SLC4A4: variants seen among roughly 807,000 people sequenced by gnomAD.
SLC4A4 encodes electrogenic sodium bicarbonate cotransporter 1.
Under a neutral mutation model 111.5 loss-of-function variants are expected in SLC4A4, and 27 were observed. The observed-to-expected ratio is 0.24, with a 90% confidence interval of 0.18 to 0.33. The LOEUF is 0.33. SLC4A4 is among the 10% of genes least tolerant of loss of function. The pLI, the probability that SLC4A4 is intolerant of heterozygous loss-of-function variation, is 1.00. For synonymous variants in SLC4A4, 443 were observed against 463.4 expected (o/e 0.96, Z 0.57); for missense variants, 909 against 1,315.5 (o/e 0.69, Z 4.78).
At chr4:71,184,068 C>T (rs1745381218), upstream of SLC4A4, among the ~76,000 whole-genome samples, 1 of 152,076 alleles carries the variant, frequency 6.6e-6, no homozygotes, top group Non-Finnish European at 1.5e-5. Context: ...GCTTTACAGA[C>T]AACATATGGT....
chr4:71,103,047 A>G (rs1245888659), intron 2 of SLC4A4, among the ~76,000 whole-genome samples: 2 of 151,334 alleles, frequency 1.3e-5, no homozygotes, highest in African/African-American at 2.4e-5. Context: ...AGAGACACAC[A>G]TAGGCTCAAA....
intron 3 of SLC4A4, among the ~76,000 whole-genome samples, chr4:71,287,600 G>C (rs1357373104): frequency 1.3e-5 from 2 of 152,128 alleles, no homozygotes; most frequent in African/African-American, 4.8e-5. Flanking sequence ...TTTTAAATCA[G>C]AAATTTATTT....
intron 1 of SLC4A4, among the ~76,000 whole-genome samples, chr4:71,220,640 T>G (rs1718686359): frequency 6.6e-6 from 1 of 152,186 alleles, no homozygotes; most frequent in African/African-American, 2.4e-5. Flanking sequence ...ATGTGTCACA[T>G]TAGATAGTTA....
intron 2 of SLC4A4, among the ~76,000 whole-genome samples, chr4:71,125,220 A>G (rs1171379035): frequency 6.6e-6 from 1 of 152,270 alleles, no homozygotes; most frequent in Non-Finnish European, 1.5e-5. Context: ...CAAGTATAAG[A>G]GAACAACAAA....
At chr4:71,156,029 G>A (rs994529365) in intron 2 of SLC4A4, among the ~76,000 whole-genome samples, 7 of 152,072 alleles carry the variant, frequency 4.6e-5, no homozygotes, top group Non-Finnish European at 8.8e-5. Flanking sequence ...TTTCATACAC[G>A]AATTTAATAA....
chr4:71,232,342 A>AGAG (rs1200996206), intron 1 of SLC4A4, among the ~76,000 whole-genome samples: 1 of 152,178 alleles, frequency 6.6e-6, no homozygotes, highest in East Asian at 1.9e-4. Flanking sequence ...CAGCCTAGGA[A>AGAG]GAGGGTTTTT....
chr4:71,175,309 G>A (rs983282059), intron 2 of SLC4A4, among the ~76,000 whole-genome samples: 1 of 152,214 alleles, frequency 6.6e-6, no homozygotes, highest in African/African-American at 2.4e-5. Context: ...ACTGAGGTAC[G>A]GGGTTCATCT....
intron 6 of SLC4A4, among the ~76,000 whole-genome samples, chr4:71,390,556 CCTT>C (rs1350139179): frequency 2.0e-5 from 3 of 152,040 alleles, no homozygotes; most frequent in Non-Finnish European, 4.4e-5. Flanking sequence ...ATATTTCCCC[CCTT>C]CTTTTCTTTA....
intron 3 of SLC4A4, among the ~76,000 whole-genome samples, chr4:71,274,949 A>T (rs1009435824): frequency 6.6e-6 from 1 of 152,064 alleles, no homozygotes; most frequent in Admixed American, 6.5e-5. Flanking sequence ...TAAAACAAAA[A>T]CTCAAAAGTA....
intron 1 of SLC4A4, among the ~76,000 whole-genome samples, chr4:71,222,233 C>T (rs1340993903): frequency 6.6e-6 from 1 of 152,144 alleles, no homozygotes; most frequent in African/African-American, 2.4e-5. Flanking sequence ...ACCTACTGGC[C>T]TCCTTGATGT....
intron 2 of SLC4A4, among the ~76,000 whole-genome samples, chr4:71,095,249 A>G (rs578209074): frequency 6.6e-6 from 1 of 152,316 alleles, no homozygotes; most frequent in Admixed American, 6.5e-5. Context: ...CCTGGAAAAG[A>G]TCAATGGGGA....
In SLC4A4 at chr4:71,563,816, A is replaced by T. The variant is rs780599990; in HGVS notation, c.3123A>T (p.Lys1041Asn). Residue 1041 changes from lysine to asparagine, a missense_variant, in exon 24 of 26, where the codon AAA becomes AAT. By Grantham distance (94) the Lys-to-Asn change is moderately conservative (BLOSUM62 0). Around this residue, in one of 7 missense-constraint regions of SLC4A4, gnomAD observed 85 missense variants for 79.8 expected, o/e 1.07. Coordinates refer to ENST00000264485, the MANE Select transcript of SLC4A4 (RefSeq NM_001098484.3). The stretch of plus-strand genomic sequence containing the variant: ...AGTCTGACTGCCCATACTCAGAAAA[A>T]GTTCCAAGTATTAAAATTCCAATGG... ...NDDSDCPYSEKVPSIKIPMDI... is the reference protein window; with the variant it reads ...NDDSDCPYSENVPSIKIPMDI... 4 of 1,610,708 alleles carry T rather than the reference A, an allele frequency of 2.5e-6. No homozygotes were observed. In the South Asian group the frequency reaches 4.4e-5, roughly 18 times the overall value.
At chr4:71,324,876 A>G (rs1403197065) in intron 3 of SLC4A4, among the ~76,000 whole-genome samples, 1 of 151,902 alleles carries the variant, frequency 6.6e-6, no homozygotes, top group Non-Finnish European at 1.5e-5. Context: ...CTCTGCTCCT[A>G]ACTAAGGTAG....
At chr4:71,243,150 G>A (rs367720766) in intron 2 of SLC4A4, among the ~76,000 whole-genome samples, 1 of 152,098 alleles carries the variant, frequency 6.6e-6, no homozygotes, top group Non-Finnish European at 1.5e-5. Flanking sequence ...TGCTTCATTT[G>A]GAAAATGGAT....
intron 6 of SLC4A4, among the ~76,000 whole-genome samples, chr4:71,396,096 A>T (rs947144325): frequency 6.6e-6 from 1 of 152,206 alleles, no homozygotes; most frequent in Non-Finnish European, 1.5e-5. Context: ...CTAGAAATCT[A>T]ATACCTGGCT....
rs187150523 is a variant in SLC4A4 at position 71,244,570 on chromosome 4, G to A, written c.73+7921G>A. 1.4e-3 allele frequency among the ~76,000 whole-genome samples: 215 copies of A among 152,136 alleles called. 1 individual carries two copies. The highest frequency in any genetic ancestry group is 3.6e-3 in the African/African-American group (150 of 41,496). ...AATTTGAAATCCCCCAGGATTAACC[G>A]CATAAATTTAAGGTATTATCTCCCT... On this transcript the variant is annotated intron_variant, in intron 2 of 25. Coordinates refer to ENST00000264485, the MANE Select transcript of SLC4A4 (RefSeq NM_001098484.3).
intron 2 of SLC4A4, among the ~76,000 whole-genome samples, chr4:71,126,860 A>G (rs896014947): frequency 6.6e-6 from 1 of 152,184 alleles, no homozygotes; most frequent in East Asian, 1.9e-4. Context: ...TTGGTTCTGC[A>G]TGCCATAGAA....
At chr4:71,207,125 T>A (rs1717820576) in intron 1 of SLC4A4, among the ~76,000 whole-genome samples, 1 of 152,196 alleles carries the variant, frequency 6.6e-6, no homozygotes, top group African/African-American at 2.4e-5. Context: ...TAATTTTAAT[T>A]TTGTCATCAT....
chr4:71,078,656 T>C (rs1048160491), intron 1 of SLC4A4, among the ~76,000 whole-genome samples: 1 of 152,188 alleles, frequency 6.6e-6, no homozygotes, highest in Non-Finnish European at 1.5e-5. Flanking sequence ...TGAGGCCTTC[T>C]TCGCTCAGCT....
Sources: allele counts gnomAD v4.1 joint callset (sites outside exome capture counted in the v4.1 genomes callset), GRCh38; gene constraint gnomAD v4.1.1; regional missense constraint gnomAD v4.1.1; transcripts MANE v1.5; gene names NCBI Gene and HGNC (gene_info 2026-07-23, HGNC 2026-07-21).